LRRTM4: variants seen among roughly 807,000 people sequenced by gnomAD.
The protein encoded by LRRTM4 is leucine rich repeat transmembrane neuronal 4, also known as leucine-rich repeat transmembrane neuronal protein 4.
LRRTM4 carries 25 observed loss-of-function variants against 47.6 expected under a neutral mutation model. The observed-to-expected ratio is 0.53, with a 90% CI of 0.38 to 0.73. LRRTM4 has a LOEUF of 0.73. Among genes scored for constraint, LRRTM4 ranks in the 30% least tolerant of loss-of-function variants. LRRTM4 has a pLI of 0.00. For missense variants in LRRTM4, 638 were observed against 713.4 expected (o/e 0.89, Z 1.20); for synonymous variants, 311 against 269.5 (o/e 1.15, Z -1.51).
intron 3 of LRRTM4, among the ~76,000 whole-genome samples, chr2:77,163,494 C>T (rs771652598): frequency 2.0e-5 from 3 of 152,044 alleles, no homozygotes; most frequent in East Asian, 1.9e-4. Context: ...AGATACTCCT[C>T]GAGAAGAGCA....
intron 3 of LRRTM4, among the ~76,000 whole-genome samples, chr2:77,225,941 A>C (rs1363893143): frequency 6.6e-6 from 1 of 152,002 alleles, no homozygotes; most frequent in East Asian, 1.9e-4. Flanking sequence ...AGTAGCTATT[A>C]TATTTGATAA....
At chr2:77,286,519 AT>A (rs1676664146) in intron 3 of LRRTM4, among the ~76,000 whole-genome samples, 1 of 151,838 alleles carries the variant, frequency 6.6e-6, no homozygotes, top group African/African-American at 2.4e-5. Context: ...AGCATCTACT[AT>A]TTTAGCATTA....
intron 3 of LRRTM4, among the ~76,000 whole-genome samples, chr2:76,884,163 G>A (rs773721449): frequency 6.6e-6 from 1 of 152,028 alleles, no homozygotes; most frequent in Non-Finnish European, 1.5e-5. Flanking sequence ...TTTGTAACAA[G>A]CATCATGCTA....
chr2:77,195,232 C>T (rs936607412), intron 3 of LRRTM4, among the ~76,000 whole-genome samples: 29 of 151,718 alleles, frequency 1.9e-4, no homozygotes, highest in Admixed American at 8.5e-4. Context: ...ATTGTATTTG[C>T]TATAATGACA....
At chr2:76,780,772 C>T (rs1397348638) in intron 3 of LRRTM4, among the ~76,000 whole-genome samples, 1 of 151,978 alleles carries the variant, frequency 6.6e-6, no homozygotes, top group Non-Finnish European at 1.5e-5. Flanking sequence ...CAAAGTCATT[C>T]TCCATCCAGC....
chr2:77,167,593 A>T (rs1347181403), intron 3 of LRRTM4, among the ~76,000 whole-genome samples: 1 of 152,224 alleles, frequency 6.6e-6, no homozygotes, highest in African/African-American at 2.4e-5. Flanking sequence ...AAAATGTGGC[A>T]TATATACACC....
intron 3 of LRRTM4, among the ~76,000 whole-genome samples, chr2:76,777,693 TGTC>T (rs1238847975): frequency 5.3e-5 from 8 of 150,818 alleles, no homozygotes; most frequent in Non-Finnish European, 7.4e-5. Context: ...TATACAATCA[TGTC>T]GTCTGCAAAC....
intron 3 of LRRTM4, among the ~76,000 whole-genome samples, chr2:77,388,477 C>T (rs1292182582): frequency 6.6e-6 from 1 of 152,106 alleles, no homozygotes; most frequent in Non-Finnish European, 1.5e-5. Context: ...CTTTTCTTCA[C>T]TTTACTGCGG....
chr2:76,978,149 C>T (rs1193293716), intron 3 of LRRTM4, among the ~76,000 whole-genome samples: 4 of 151,936 alleles, frequency 2.6e-5, no homozygotes, highest in Non-Finnish European at 4.4e-5. Context: ...TTTTATGAGC[C>T]TTCCCATACT....
At chr2:76,920,968 C>T (rs1375943663) in intron 3 of LRRTM4, among the ~76,000 whole-genome samples, 2 of 152,116 alleles carry the variant, frequency 1.3e-5, no homozygotes, top group East Asian at 1.9e-4. Flanking sequence ...GTACCCCTCA[C>T]CCTGTTTCTC....
At chr2:77,463,982 A>G (rs866592271) in intron 3 of LRRTM4, among the ~76,000 whole-genome samples, 1 of 152,162 alleles carries the variant, frequency 6.6e-6, no homozygotes, top group African/African-American at 2.4e-5. Context: ...AAAGTTATAC[A>G]ATAAATACTA....
intron 3 of LRRTM4, among the ~76,000 whole-genome samples, chr2:77,153,707 G>A (rs1292656218): frequency 6.6e-6 from 1 of 152,102 alleles, no homozygotes; most frequent in African/African-American, 2.4e-5. Flanking sequence ...TAAAAGTTAT[G>A]AATGCTTTTA....
At chr2:77,068,471 A>G (rs11903423) in intron 3 of LRRTM4, among the ~76,000 whole-genome samples, 60,890 of 152,018 alleles carry the variant, frequency 0.4, 14,276 homozygotes, top group East Asian at 0.68. Flanking sequence ...TGCTCTCTCA[A>G]TGGGAACCCC....
intron 3 of LRRTM4, among the ~76,000 whole-genome samples, chr2:76,798,062 A>G (rs569039013): frequency 6.6e-6 from 1 of 150,748 alleles, no homozygotes; most frequent in Admixed American, 6.6e-5. Flanking sequence ...GTCAACAAGG[A>G]TACCCAGGAA....
intron 3 of LRRTM4, among the ~76,000 whole-genome samples, chr2:76,870,770 T>C (rs1009366570): frequency 1.3e-5 from 2 of 152,202 alleles, no homozygotes; most frequent in African/African-American, 2.4e-5. Context: ...TGTAATGCCA[T>C]AGAAAGTACA....
chr2:77,262,304 C>G (rs1363639242), intron 3 of LRRTM4, among the ~76,000 whole-genome samples: 1 of 152,054 alleles, frequency 6.6e-6, no homozygotes. Context: ...TTCCCCCACC[C>G]CAGTCCATAG....
intron 3 of LRRTM4, among the ~76,000 whole-genome samples, chr2:77,016,093 TAAAC>T (rs966751518): frequency 6.7e-6 from 1 of 148,560 alleles, no homozygotes; most frequent in Non-Finnish European, 1.5e-5. Flanking sequence ...AAACAAAATA[TAAAC>T]AAACAAAAAT....
chr2:76,930,952 T>C (rs1458647098), intron 3 of LRRTM4, among the ~76,000 whole-genome samples: 2 of 152,156 alleles, frequency 1.3e-5, no homozygotes, highest in Non-Finnish European at 2.9e-5. Flanking sequence ...AAAAAGAATA[T>C]TTCACACCAG....
intron 3 of LRRTM4, among the ~76,000 whole-genome samples, chr2:77,318,890 T>C (rs1206788656): frequency 2.0e-5 from 3 of 152,166 alleles, no homozygotes; most frequent in African/African-American, 7.2e-5. Context: ...TGCTCTTTTT[T>C]TTTTATCTTG....
Sources: allele counts gnomAD v4.1 joint callset (sites outside exome capture counted in the v4.1 genomes callset), GRCh38; gene constraint gnomAD v4.1.1; transcripts MANE v1.5; gene names NCBI Gene and HGNC (gene_info 2026-07-23, HGNC 2026-07-21).